Variants in KSR2 observed in about 807,000 individuals in gnomAD.
KSR2 encodes the protein kinase suppressor of ras 2.
A neutral mutation model predicts 107.8 loss-of-function variants in KSR2; 25 were observed. The ratio of observed to expected loss-of-function variants is 0.23; its 90% CI spans 0.17 to 0.32. KSR2 has a LOEUF of 0.32. Among genes scored for constraint, KSR2 ranks in the 10% least tolerant of loss-of-function variants. The pLI, the probability that KSR2 is intolerant of heterozygous loss-of-function variation, is 1.00. For synonymous variants in KSR2, 480 were observed against 507.0 expected, an observed-to-expected ratio of 0.95 and a Z score of 0.71; for missense variants, 887 against 1,268.9, an observed-to-expected ratio of 0.70 and a Z score of 4.57.
chr12:117,596,953 C>G (rs1198181123), intron 5 of KSR2, among the ~76,000 whole-genome samples: 1 of 152,168 alleles, frequency 6.6e-6, no homozygotes, highest in Non-Finnish European at 1.5e-5. Flanking sequence ...GTTACTGAAT[C>G]TTTCTTTTTC....
chr12:117,681,080 G>A (rs1885346482), intron 4 of KSR2, among the ~76,000 whole-genome samples: 1 of 152,078 alleles, frequency 6.6e-6, no homozygotes, highest in African/African-American at 2.4e-5. Flanking sequence ...GACCAGCCTG[G>A]GTAAGATGAT....
In KSR2 at chr12:117,637,675, GTTTTTTTTT is replaced by G. The variant is rs56169273; in HGVS notation, c.1171+29790_1171+29798del. The stretch of plus-strand genomic sequence containing the variant: ...AATGGGACCCAGCAGTCAGTTTTGG[GTTTTTTTTT>G]TTTTTTTTTTTTTTTGAGACAGAGT... On this transcript the variant is annotated intron_variant, in intron 5 of 19. Transcript: ENST00000339824. Among the ~76,000 whole-genome samples the G allele has an allele frequency of 2.8e-3, 254 of 92,118 alleles. 4 individuals carry two copies. The highest frequency in any genetic ancestry group is 0.01 in the African/African-American group (238 of 23,774). 60.4% of individuals were successfully genotyped at this position (92,118 alleles called of 152,430 possible).
chr12:117,845,071 G>A (rs2954821), intron 3 of KSR2, among the ~76,000 whole-genome samples: 43,922 of 152,064 alleles, frequency 0.29, 6,491 homozygotes, highest in Admixed American at 0.35. Flanking sequence ...GCATGAACCC[G>A]GGAGGCGGAG....
At position 117,739,425 on chromosome 12, in the gene KSR2, T is replaced by C. The variant is rs535739761; in HGVS notation, c.986+21586A>G. 1.2e-3 allele frequency among the ~76,000 whole-genome samples: 184 copies of C among 152,248 alleles called. 1 individual carries two copies. Among genetic ancestry groups the C allele is most frequent in the African/African-American group, 4.0e-3 (168 of 41,550 alleles). ...AATGTTATGACAGCTACAGCAACAC[T>C]AGGTGAGAGGCAATTTCCAGCTCCA... On this transcript the variant is annotated intron_variant, in intron 4 of 19. Coordinates refer to ENST00000339824, the MANE Select transcript of KSR2 (RefSeq NM_173598.6).
intron 8 of KSR2, among the ~76,000 whole-genome samples, 178 bp downstream of exon 8, chr12:117,558,327 TA>T (rs1331435021): frequency 2.0e-5 from 3 of 151,636 alleles, no homozygotes; most frequent in Non-Finnish European, 2.9e-5. Flanking sequence ...AGAACAGGCA[TA>T]GGGGAGGATA....
chr12:117,756,900 C>T (rs569808638), intron 4 of KSR2, among the ~76,000 whole-genome samples: 1 of 152,042 alleles, frequency 6.6e-6, no homozygotes, highest in African/African-American at 2.4e-5. Flanking sequence ...CCTAAAAATA[C>T]AAAAATTAGC....
chr12:117,864,944 T>C (rs1328331506), intron 1 of KSR2, among the ~76,000 whole-genome samples: 1 of 152,166 alleles, frequency 6.6e-6, no homozygotes, highest in East Asian at 1.9e-4. Flanking sequence ...ACATGGACGT[T>C]TGAAAGACAC....
chr12:117,514,998 G>T (rs1874275654), intron 14 of KSR2, among the ~76,000 whole-genome samples: 1 of 152,098 alleles, frequency 6.6e-6, no homozygotes, highest in African/African-American at 2.4e-5. Context: ...TTGTCCATCT[G>T]CCTAATTACT....
chr12:117,560,936 T>C (rs941043777), intron 7 of KSR2, among the ~76,000 whole-genome samples: 1 of 152,222 alleles, frequency 6.6e-6, no homozygotes, highest in African/African-American at 2.4e-5. Context: ...GGTGCCATAC[T>C]TGTACAGCCT....
intron 10 of KSR2, among the ~76,000 whole-genome samples, chr12:117,535,778 T>C (rs1325865559): frequency 6.6e-6 from 1 of 152,158 alleles, no homozygotes; most frequent in East Asian, 1.9e-4. Flanking sequence ...TGTCTTGCCA[T>C]GATGGATGCT....
chr12:117,660,130 G>C (rs1481632192), intron 5 of KSR2, among the ~76,000 whole-genome samples: 1 of 152,148 alleles, frequency 6.6e-6, no homozygotes, highest in African/African-American at 2.4e-5. Flanking sequence ...ACTTTGAATA[G>C]GTATTGACTT....
intron 12 of KSR2, among the ~76,000 whole-genome samples, chr12:117,528,090 A>C (rs1875344496): frequency 6.6e-6 from 1 of 151,888 alleles, no homozygotes; most frequent in South Asian, 2.1e-4. Context: ...TTGTGTGAGC[A>C]CTGCATAGGT....
chr12:117,616,279 A>C (rs1018418793), intron 5 of KSR2, among the ~76,000 whole-genome samples: 5 of 152,228 alleles, frequency 3.3e-5, no homozygotes, highest in Admixed American at 6.5e-5. Context: ...AAAAAAGAGA[A>C]GAAAAAGATC....
intron 14 of KSR2, among the ~76,000 whole-genome samples, chr12:117,501,550 T>C (rs1005511367): frequency 7.2e-5 from 11 of 152,182 alleles, no homozygotes; most frequent in Admixed American, 4.6e-4. Flanking sequence ...CCAGGCACTG[T>C]GCCAGGTGTG....
At chr12:117,638,370 T>C (rs2136395126) in intron 5 of KSR2, among the ~76,000 whole-genome samples, 1 of 152,246 alleles carries the variant, frequency 6.6e-6, no homozygotes, top group Admixed American at 6.5e-5. Context: ...CCATGGGCCC[T>C]GGATGAGCAG....
At chr12:117,470,557 A>C (rs1288219487) in intron 18 of KSR2, among the ~76,000 whole-genome samples, 1 of 152,242 alleles carries the variant, frequency 6.6e-6, no homozygotes, top group African/African-American at 2.4e-5. Context: ...AGAAGGGATA[A>C]AAGGGAATCC....
intron 9 of KSR2, among the ~76,000 whole-genome samples, chr12:117,551,668 T>G (rs1193823919): frequency 6.6e-6 from 1 of 152,146 alleles, no homozygotes; most frequent in Non-Finnish European, 1.5e-5. Flanking sequence ...AAAAAAATCT[T>G]CAGACCAAAT....
intron 5 of KSR2, among the ~76,000 whole-genome samples, chr12:117,651,540 A>T (rs1883906999): frequency 6.6e-6 from 1 of 152,242 alleles, no homozygotes; most frequent in African/African-American, 2.4e-5. Flanking sequence ...GGGCCCACTA[A>T]GTAGGGACTC....
intron 3 of KSR2, among the ~76,000 whole-genome samples, chr12:117,800,081 C>T (rs1293412009): frequency 6.6e-6 from 1 of 152,220 alleles, no homozygotes; most frequent in Non-Finnish European, 1.5e-5. Context: ...TACATAAGAA[C>T]ATCAACCTTT....
Sources: gnomAD v4.1 joint callset for allele counts (sites outside exome capture counted in the v4.1 genomes callset) on GRCh38, gnomAD v4.1.1 for gene constraint, MANE v1.5 for transcripts, NCBI Gene and HGNC (gene_info 2026-07-23, HGNC 2026-07-21) for gene names.